Variants in MUC12 observed in about 807,000 individuals in gnomAD.
MUC12 encodes mucin 12, cell surface associated.
A neutral mutation model predicts 230.8 loss-of-function variants in MUC12; 172 were observed. The ratio of observed to expected loss-of-function variants is 0.75; its 90% CI spans 0.66 to 0.85. The LOEUF (loss-of-function observed/expected upper bound fraction) is 0.85, where lower values mean the gene tolerates loss of function less well. MUC12 is among the 40% of genes least tolerant of loss of function. The pLI is 0.00. For missense variants in MUC12, 3,506 were observed against 5,920.6 expected, an observed-to-expected ratio of 0.59 and a Z score of 13.38; for synonymous variants, 1,259 against 2,401.9, an observed-to-expected ratio of 0.52 and a Z score of 13.91.
At position 100,992,904 on chromosome 7, in the gene MUC12, G is replaced by T; in HGVS notation, c.2341G>T (p.Val781Phe). Residue 781 changes from valine (V) to phenylalanine (F), a missense_variant, in exon 2 of 12, where the codon GTC becomes TTC. Val to Phe is a conservative substitution (Grantham distance 50, BLOSUM62 -1). Coordinates refer to ENST00000536621, the MANE Select transcript of MUC12 (RefSeq NM_001164462.2). ...CAGCCAAGACGCAACGGGAACAATA[G>T]TCCTACCTGCCCGCTCCACAACCTC... ...HSSQDATGTI[V>F]LPARSTTSVL... 2 of 1,535,932 alleles carry T rather than the reference G, an allele frequency of 1.3e-6. No homozygotes were observed. The highest frequency in any genetic ancestry group is 1.2e-5 in the South Asian group (1 of 83,990).
chr7:101,016,212 G>A (rs1056684477), intron 10 of MUC12, among the ~76,000 whole-genome samples: 5 of 152,270 alleles, frequency 3.3e-5, no homozygotes, highest in South Asian at 2.1e-4. Context: ...TGCTTTTGGC[G>A]GGGAAGGGAA....
In MUC12 at chr7:101,014,002, T is replaced by C; in HGVS notation, c.15728T>C (p.Val5243Ala). Residue 5243 changes from valine (V) to alanine (A), a missense_variant, in exon 9 of 12, where the codon GTG becomes GCG. Physicochemically the swap from Val to Ala is moderately conservative, Grantham distance 64 (BLOSUM62 0). Transcript: ENST00000536621. The part of the protein sequence containing the change: ...KSLVYGIVGA[V>A]MAVLLLALII... ...CTCGTGTATGGGATCGTGGGGGCTGTGATGGCGGTGCTGCTGCTCGCATTG... is the reference window on the plus strand; with the variant it reads ...CTCGTGTATGGGATCGTGGGGGCTGCGATGGCGGTGCTGCTGCTCGCATTG... The C allele has an allele frequency of 1.3e-6, 2 of 1,536,754 alleles. No individual in the cohort carries two copies. Among genetic ancestry groups the C allele is most frequent in the Non-Finnish European group, 1.7e-6 (2 of 1,146,680 alleles).
intron 3 of MUC12, among the ~76,000 whole-genome samples, chr7:101,008,081 G>A (rs977501199): frequency 1.3e-5 from 2 of 151,804 alleles, no homozygotes; most frequent in African/African-American, 4.8e-5. Flanking sequence ...TGGGATTACA[G>A]GTGTGAGCCA....
In MUC12 at chr7:101,001,219, C is replaced by A. The variant is rs1199064523; in HGVS notation, c.10656C>A (p.Ser3552Arg). Reference sequence around the variant, plus strand: ...GTCAGGAATCAACAACTTCCCACAGCAGCTCAGGTTCAACTGACACAGCAC... The same window carrying A: ...GTCAGGAATCAACAACTTCCCACAGAAGCTCAGGTTCAACTGACACAGCAC... ...GSSQESTTSH[S>R]SSGSTDTALS... Residue 3552 changes from serine to arginine, a missense_variant, in exon 2 of 12, where the codon AGC becomes AGA. Transcript: ENST00000536621. The A allele has an allele frequency of 5.2e-6, 5 of 952,966 alleles. 1 individual carries two copies. The African/African-American group carries it at 7.5e-5, about 14-fold the overall frequency. 59.0% of individuals were successfully genotyped at this position (952,966 alleles called of 1,614,324 possible).
intron 1 of MUC12, among the ~76,000 whole-genome samples, chr7:100,976,296 A>G (rs1291931019): frequency 6.6e-6 from 1 of 151,370 alleles, no homozygotes; most frequent in Non-Finnish European, 1.5e-5. Context: ...AAAAAAATAT[A>G]TATATGTATT....
intron 1 of MUC12, chr7:100,972,153 G>A (rs1792915548): frequency 1.4e-6 from 1 of 703,526 alleles, no homozygotes; most frequent in South Asian, 1.5e-5. Flanking sequence ...TTCCCAGCAG[G>A]TAGCTCATAT....
intron 9 of MUC12, 123 bp from the exon 10 acceptor site, chr7:101,015,492 G>T: frequency 1.3e-6 from 1 of 755,910 alleles, no homozygotes; most frequent in Non-Finnish European, 2.2e-6. Context: ...TGCCATCATC[G>T]CTGCCATCTC....
intron 1 of MUC12, among the ~76,000 whole-genome samples, chr7:100,985,327 G>A (rs1370751372): frequency 6.6e-6 from 1 of 152,208 alleles, no homozygotes; most frequent in Non-Finnish European, 1.5e-5. Flanking sequence ...GTCCATCTGG[G>A]TGGTGCCAGC....
chr7:101,015,542 C>A, intron 9 of MUC12, 73 bp from the exon 10 acceptor site: 1 of 1,329,426 alleles, frequency 7.5e-7, no homozygotes, highest in Non-Finnish European at 1.0e-6. Flanking sequence ...TCGAGGGAAG[C>A]TGAAGGTCAG....
rs1793795789 is a variant in MUC12, at chr7:101,008,771, G to A, written c.15186+10G>A. The A allele has an allele frequency of 1.5e-5, 23 of 1,535,756 alleles. No individual in the cohort carries two copies. Among genetic ancestry groups the A allele is most frequent in the Non-Finnish European group, 1.9e-5 (22 of 1,146,224 alleles). On this transcript the variant is annotated intron_variant, in intron 4 of 11. Transcript: ENST00000536621. ...CCTCTTCAAGAATCGGGTAAGACCA[G>A]GGCACACCCAGACACCCCAGGGTGA...
chr7:100,973,877 G>T (rs919379522), intron 1 of MUC12, among the ~76,000 whole-genome samples: 3 of 152,038 alleles, frequency 2.0e-5, no homozygotes, highest in Non-Finnish European at 4.4e-5. Flanking sequence ...AATTAGGCTG[G>T]GTGTGGTGCT....
In MUC12 at chr7:100,972,237, T is replaced by A. The variant is rs1331275416; in HGVS notation, c.67+2548T>A. ...TGTAGAGACTCAGAGAGAGGATGAG[T>A]GATTTGCCTGGGTCCACACAGCAAA... On this transcript the variant is annotated intron_variant, in intron 1 of 11. Coordinates refer to ENST00000536621, the MANE Select transcript of MUC12 (RefSeq NM_001164462.2). 1.0e-5 allele frequency: 7 copies of A among 702,464 alleles called. No homozygotes were observed. The African/African-American group carries it at 1.2e-4, about 12-fold the overall frequency. 43.5% of individuals were successfully genotyped at this position (702,464 alleles called of 1,614,324 possible).
intron 6 of MUC12, 68 bp downstream of exon 6, chr7:101,012,515 C>T (rs1399424450): frequency 6.9e-7 from 1 of 1,453,226 alleles, no homozygotes; most frequent in African/African-American, 1.4e-5. Flanking sequence ...CCTCTCCCTC[C>T]TCTACGTCTT....
Position 100,995,833 on chromosome 7 carries a change from C to G in MUC12, c.5270C>G (p.Pro1757Arg). ...SPVATATTPS[P>R]ARSTTSGLVE... The stretch of plus-strand genomic sequence containing the variant: ...GTTGCAACTGCAACAACACCCTCGC[C>G]TGCCCGCTCCACAACCTCAGGCCTC... The change falls in exon 2 of 12, where the codon CCT (proline) becomes CGT (arginine). Residue 1757 changes from proline (P) to arginine (R), a missense_variant. Physicochemically the swap from Pro to Arg is moderately radical, Grantham distance 103 (BLOSUM62 -2). Coordinates refer to ENST00000536621, the MANE Select transcript of MUC12 (RefSeq NM_001164462.2). 3.4e-6 allele frequency: 5 copies of G among 1,461,352 alleles called. No individual in the cohort carries two copies. The highest frequency in any genetic ancestry group is 4.6e-6 in the Non-Finnish European group (5 of 1,089,940). The allele number at this position is 1,461,352 out of a possible 1,614,324, so 90.5% of individuals were successfully genotyped here. A position where few individuals can be genotyped will look rare whatever the true frequency, so the allele number is the denominator to read the frequency against.
chr7:100,991,071 AG>A lies in MUC12; in HGVS notation c.509del (p.Ser170ThrfsTer9). On this transcript the variant is annotated frameshift_variant, in exon 2 of 12. Transcript: ENST00000536621. LOFTEE classifies it high-confidence loss of function. ...CAGTGAAAAATCAACCACCTCCCAC[AG>A]CCGACCAGGCCCAACGCACACAATA... ...GVSEKSTTSH[S>X]RPGPTHTIAF... 6.5e-7 allele frequency: 1 copy of A among 1,537,624 alleles called. No individual in the cohort carries two copies. Among genetic ancestry groups the A allele is most frequent in the Non-Finnish European group, 8.7e-7 (1 of 1,146,866 alleles).
rs947203859 is a variant in MUC12, at chr7:100,990,533, G to T, written c.68-98G>T. 3.5e-6 allele frequency: 5 copies of T among 1,409,000 alleles called. No individual in the cohort carries two copies. The African/African-American group carries it at 7.1e-5, about 20-fold the overall frequency. The allele number at this position is 1,409,000 out of a possible 1,614,324, so 87.3% of individuals were successfully genotyped here. A position where few individuals can be genotyped will look rare whatever the true frequency, so the allele number is the denominator to read the frequency against. On this transcript the variant is annotated intron_variant, in intron 1 of 11. Coordinates refer to ENST00000536621, the MANE Select transcript of MUC12 (RefSeq NM_001164462.2). ...GAGTTTCAATACCATGGGCTGACCA[G>T]GTGTCTTCCAGCCCGGATGTGTCAG...
At chr7:101,009,448 C>G (rs1327911091) in intron 5 of MUC12, among the ~76,000 whole-genome samples, 1 of 152,162 alleles carries the variant, frequency 6.6e-6, no homozygotes, top group Non-Finnish European at 1.5e-5. Flanking sequence ...GCTAAGCAGT[C>G]TGCTTAGAGT....
chr7:101,009,779 A>G (rs1201859755), intron 5 of MUC12, among the ~76,000 whole-genome samples: 4 of 152,200 alleles, frequency 2.6e-5, no homozygotes, highest in Non-Finnish European at 5.9e-5. Flanking sequence ...AATCGATGAG[A>G]AGAAGCCCAG....
rs746088688 is a variant in MUC12 at position 101,004,790 on chromosome 7, A to G, written c.14227A>G (p.Ser4743Gly). Residue 4743 changes from serine (S) to glycine (G), a missense_variant, in exon 2 of 12, where the codon AGT becomes GGT. By Grantham distance (56) the Ser-to-Gly change is moderately conservative. Coordinates refer to ENST00000536621, the MANE Select transcript of MUC12 (RefSeq NM_001164462.2). ...GLSAKSTILYSSSRSPDQTLS... is the reference protein window; with the variant it reads ...GLSAKSTILYGSSRSPDQTLS... ...CAGTGCAAAATCTACCATCCTTTAC[A>G]GTAGCTCCAGATCACCAGACCAAAC... 1 of 1,537,816 alleles carries G rather than the reference A, an allele frequency of 6.5e-7. No individual in the cohort carries two copies. Among genetic ancestry groups the G allele is most frequent in the South Asian group, 1.2e-5 (1 of 84,060 alleles).
Sources: allele counts gnomAD v4.1 joint callset (sites outside exome capture counted in the v4.1 genomes callset), GRCh38; gene constraint gnomAD v4.1.1; transcripts MANE v1.5; gene names NCBI Gene and HGNC (gene_info 2026-07-23, HGNC 2026-07-21).